Variants in RNLS observed in about 807,000 individuals in gnomAD.
RNLS encodes renalase, FAD dependent amine oxidase.
In RNLS, 39 loss-of-function variants were observed where a neutral mutation model predicts 39.8. The ratio of observed to expected loss-of-function variants is 0.98; its 90% CI spans 0.76 to 1.28. RNLS has a LOEUF of 1.28. RNLS is among the 50% of genes most tolerant of loss of function. The probability of loss-of-function intolerance (pLI) is 0.00; values close to 1 mark genes in which losing one functional copy is unlikely to be tolerated. For missense variants in RNLS, 410 were observed against 413.3 expected (o/e 0.99, Z 0.07); for synonymous variants, 147 against 150.7 (o/e 0.98, Z 0.18).
chr10:88,406,916 G>A (rs1853310193), intron 4 of RNLS, among the ~76,000 whole-genome samples: 1 of 152,078 alleles, frequency 6.6e-6, no homozygotes. Flanking sequence ...GATGAGATTG[G>A]AGACTATTAT....
intron 4 of RNLS, among the ~76,000 whole-genome samples, chr10:88,536,048 C>G (rs976767822): frequency 6.6e-6 from 1 of 152,106 alleles, no homozygotes; most frequent in Non-Finnish European, 1.5e-5. Context: ...ACTTTCCAAT[C>G]AGACAGGCCT....
chr10:88,294,482 A>G (rs940521189), intron 6 of RNLS, among the ~76,000 whole-genome samples: 1 of 152,068 alleles, frequency 6.6e-6, no homozygotes, highest in African/African-American at 2.4e-5. Context: ...AATATTTTCT[A>G]TTGGCCAAAT....
intron 4 of RNLS, among the ~76,000 whole-genome samples, chr10:88,464,681 G>A (rs757058866): frequency 3.9e-5 from 6 of 152,034 alleles, no homozygotes; most frequent in Non-Finnish European, 7.4e-5. Context: ...AGAAACCTCT[G>A]TGGTAACGGC....
Position 88,314,605 on chromosome 10 carries a change from G to A in RNLS, c.737C>T (p.Thr246Ile). The change falls in exon 6 of 7, where the codon ACC becomes ATC. Residue 246 changes from threonine to isoleucine, a missense_variant. By Grantham distance (89) the Thr-to-Ile change is moderately conservative. Coordinates refer to ENST00000331772, the MANE Select transcript of RNLS (RefSeq NM_001031709.3). Reference protein sequence around the residue: ...SEIGPSLVIHTTVPFGVTYLE... With the variant: ...SEIGPSLVIHITVPFGVTYLE... ...GTATGTAACTCCAAATGGGACAGTGGTGTGAATCACGAGGGAAGGCCCAAT... is the reference window on the plus strand; with the variant it reads ...GTATGTAACTCCAAATGGGACAGTGATGTGAATCACGAGGGAAGGCCCAAT... 1 of 1,613,776 alleles carries A rather than the reference G, an allele frequency of 6.2e-7. No homozygotes were observed. Among genetic ancestry groups the A allele is most frequent in the Non-Finnish European group, 8.5e-7 (1 of 1,179,786 alleles).
chr10:88,290,091 G>C (rs1304731416), intron 6 of RNLS, among the ~76,000 whole-genome samples: 1 of 151,878 alleles, frequency 6.6e-6, no homozygotes, highest in Non-Finnish European at 1.5e-5. Flanking sequence ...TGAAAGGAAA[G>C]AGGTAGGCAG....
intron 6 of RNLS, among the ~76,000 whole-genome samples, chr10:88,292,568 C>T (rs1843744521): frequency 6.8e-6 from 1 of 146,400 alleles, no homozygotes; most frequent in Non-Finnish European, 1.5e-5. Context: ...TACAAGGTAA[C>T]TCACATTAAA....
intron 3 of RNLS, among the ~76,000 whole-genome samples, chr10:88,579,430 G>A (rs887231038): frequency 2.0e-5 from 3 of 152,074 alleles, no homozygotes; most frequent in Non-Finnish European, 4.4e-5. Context: ...TTATTTCTAC[G>A]ACCTGCCTTG....
chr10:88,340,714 T>C (rs1847868396), intron 5 of RNLS, among the ~76,000 whole-genome samples: 1 of 152,104 alleles, frequency 6.6e-6, no homozygotes, highest in Non-Finnish European at 1.5e-5. Context: ...TATAAGGAAT[T>C]CTAACTATTT....
chr10:88,186,104 A>T, the RNLS span, among the ~76,000 whole-genome samples: 1 of 152,208 alleles, frequency 6.6e-6, no homozygotes, highest in Non-Finnish European at 1.5e-5. Flanking sequence ...TTAAAATAAG[A>T]ATATTTTCTA....
the RNLS span, among the ~76,000 whole-genome samples, chr10:88,254,006 A>G: frequency 6.6e-6 from 1 of 152,250 alleles, no homozygotes; most frequent in African/African-American, 2.4e-5. Flanking sequence ...TGTGTCCTCT[A>G]TAAATCCTTA....
intron 4 of RNLS, among the ~76,000 whole-genome samples, chr10:88,439,554 AC>A (rs1475630233): frequency 3.3e-5 from 5 of 152,342 alleles, no homozygotes; most frequent in African/African-American, 1.2e-4. Flanking sequence ...ATTAGGGTCA[AC>A]TTTTGGCCAA....
At chr10:88,209,154 T>A in the RNLS span, among the ~76,000 whole-genome samples, 8 of 152,190 alleles carry the variant, frequency 5.3e-5, no homozygotes, top group Non-Finnish European at 1.2e-4. Flanking sequence ...TCTTCAAGAG[T>A]GAAAAAAATA....
chr10:88,266,497 T>G, the RNLS span, among the ~76,000 whole-genome samples: 2 of 152,180 alleles, frequency 1.3e-5, no homozygotes, highest in Non-Finnish European at 2.9e-5. Flanking sequence ...CTCAGTATAC[T>G]TTGCCTTGGC....
chr10:88,568,597 C>T (rs1407385199), intron 4 of RNLS, among the ~76,000 whole-genome samples: 1 of 151,638 alleles, frequency 6.6e-6, no homozygotes, highest in African/African-American at 2.4e-5. Flanking sequence ...CAAGAGGTCC[C>T]AAGCAGGGAA....
chr10:88,482,164 G>T (rs1844225468), intron 4 of RNLS, among the ~76,000 whole-genome samples: 1 of 152,042 alleles, frequency 6.6e-6, no homozygotes, highest in Non-Finnish European at 1.5e-5. Flanking sequence ...AGGGTTAATT[G>T]GGTTTCTTGT....
chr10:88,200,193 T>C, the RNLS span, among the ~76,000 whole-genome samples: 1 of 152,202 alleles, frequency 6.6e-6, no homozygotes, highest in East Asian at 1.9e-4. Context: ...TCCTGAAGAA[T>C]ATTACATCCA....
At chr10:88,235,511 A>G in the RNLS span, among the ~76,000 whole-genome samples, 1 of 152,152 alleles carries the variant, frequency 6.6e-6, no homozygotes, top group Non-Finnish European at 1.5e-5. Context: ...ATATTACTCA[A>G]TATGAATGAA....
the RNLS span, among the ~76,000 whole-genome samples, chr10:88,262,777 T>C: frequency 6.6e-6 from 1 of 152,206 alleles, no homozygotes. Context: ...AACACATTTC[T>C]GTTCTTGCAC....
intron 4 of RNLS, among the ~76,000 whole-genome samples, chr10:88,535,433 G>A (rs1301896940): frequency 2.6e-5 from 4 of 151,864 alleles, no homozygotes; most frequent in African/African-American, 7.3e-5. Flanking sequence ...GCCAGGTAGT[G>A]GGGGAGGGGT....
Sources: gnomAD v4.1 joint callset for allele counts (sites outside exome capture counted in the v4.1 genomes callset) on GRCh38, gnomAD v4.1.1 for gene constraint, MANE v1.5 for transcripts, NCBI Gene and HGNC (gene_info 2026-07-23, HGNC 2026-07-21) for gene names.